Variants in KCND2 observed in about 807,000 individuals in gnomAD.
The protein encoded by KCND2 is potassium voltage-gated channel subfamily D member 2.
KCND2 carries 16 observed loss-of-function variants against 54.4 expected under a neutral mutation model. The observed-to-expected ratio is 0.29, with a 90% CI of 0.20 to 0.45. The LOEUF (loss-of-function observed/expected upper bound fraction) is 0.45, where lower values mean the gene tolerates loss of function less well. KCND2 is among the 20% of genes least tolerant of loss of function. The pLI, the probability that KCND2 is intolerant of heterozygous loss-of-function variation, is 1.00. For synonymous variants in KCND2, 317 were observed against 310.7 expected (o/e 1.02, Z -0.21); for missense variants, 486 against 824.2 (o/e 0.59, Z 5.02).
intron 1 of KCND2, among the ~76,000 whole-genome samples, chr7:120,453,900 C>T (rs952286887): frequency 6.6e-6 from 1 of 152,146 alleles, no homozygotes; most frequent in Non-Finnish European, 1.5e-5. Context: ...TCCTGGCTAA[C>T]ATGGTGAAAC....
intron 1 of KCND2, among the ~76,000 whole-genome samples, chr7:120,377,559 C>T (rs1346548635): frequency 3.7e-5 from 2 of 53,844 alleles, no homozygotes; most frequent in Non-Finnish European, 1.8e-4. Flanking sequence ...TTCCCTCACC[C>T]CAAGAAAAAA....
chr7:120,566,661 T>C (rs1457119086), intron 1 of KCND2, among the ~76,000 whole-genome samples: 4 of 152,132 alleles, frequency 2.6e-5, no homozygotes, highest in African/African-American at 9.6e-5. Context: ...TTAGCAAGAA[T>C]TCCCATTACT....
chr7:120,700,703 G>T (rs1171914136), intron 1 of KCND2, among the ~76,000 whole-genome samples: 1 of 152,108 alleles, frequency 6.6e-6, no homozygotes, highest in Non-Finnish European at 1.5e-5. Flanking sequence ...AATTCTTTCA[G>T]TTCTCTAGGT....
intron 2 of KCND2, 22 bp from the exon 3 acceptor site, chr7:120,741,512 A>G (rs1472259905): frequency 6.7e-7 from 1 of 1,495,864 alleles, no homozygotes; most frequent in Non-Finnish European, 9.3e-7. Context: ...TGTTAATGGG[A>G]TGTTTATTTT....
At chr7:120,498,377 TGCTGAGGCAGGAGAATCA>T (rs144834389) in intron 1 of KCND2, among the ~76,000 whole-genome samples, 9,251 of 151,672 alleles carry the variant, frequency 0.061, 586 homozygotes, top group African/African-American at 0.17. Flanking sequence ...CTACTCAGGA[TGCTGAGGCAGGAGAATCA>T]CTTGAACCCA....
chr7:120,400,969 A>AAAAG (rs1554435762), intron 1 of KCND2, among the ~76,000 whole-genome samples: 1 of 152,050 alleles, frequency 6.6e-6, no homozygotes, highest in African/African-American at 2.4e-5. Flanking sequence ...TAAAAAAAAA[A>AAAAG]AAGAAGAAGA....
At position 120,276,778 on chromosome 7, in the gene KCND2, G is replaced by A. The variant is rs147506344; in HGVS notation, c.1115+1031G>A. 2.0e-5 allele frequency among the ~76,000 whole-genome samples: 3 copies of A among 152,212 alleles called. No homozygotes were observed. In the East Asian group the frequency reaches 5.8e-4, roughly 29 times the overall value. On this transcript the variant is annotated intron_variant, in intron 1 of 5. Coordinates refer to ENST00000331113, the MANE Select transcript of KCND2 (RefSeq NM_012281.3). ...ATTAATAATGTTAAACTGCAGAAAA[G>A]TAGCAGCATTTTACATATTAGAGAA...
At chr7:120,651,355 C>G (rs969618144) in intron 1 of KCND2, among the ~76,000 whole-genome samples, 1 of 151,988 alleles carries the variant, frequency 6.6e-6, no homozygotes, top group Admixed American at 6.5e-5. Flanking sequence ...CCTTGCAGTT[C>G]GATCTCAGAC....
chr7:120,735,939 A>G (rs1015412957), intron 2 of KCND2, among the ~76,000 whole-genome samples: 1 of 152,110 alleles, frequency 6.6e-6, no homozygotes, highest in African/African-American at 2.4e-5. Context: ...TTAGGGGGAA[A>G]AAAAAGCAGA....
intron 1 of KCND2, among the ~76,000 whole-genome samples, chr7:120,493,933 T>C (rs1273148942): frequency 6.6e-6 from 1 of 152,156 alleles, no homozygotes; most frequent in African/African-American, 2.4e-5. Context: ...GAATTTTAAA[T>C]AAGCAGTAAA....
At chr7:120,403,015 A>G (rs1226653163) in intron 1 of KCND2, among the ~76,000 whole-genome samples, 1 of 152,148 alleles carries the variant, frequency 6.6e-6, no homozygotes, top group Admixed American at 6.6e-5. Context: ...TTACATAACA[A>G]TGTGTCTGAA....
chr7:120,274,311 A>C lies in KCND2; in HGVS notation c.-322A>C. On this transcript the variant is annotated 5_prime_UTR_variant, in exon 1 of 6. Transcript: ENST00000331113. ...AGAAATCAAAAACACCTGTTTGAAG[A>C]AACGGCTGCACCTGTGTGCTTATTT... 1 of 483,302 alleles carries C rather than the reference A, an allele frequency of 2.1e-6. No individual in the cohort carries two copies. The highest frequency in any genetic ancestry group is 3.7e-6 in the Non-Finnish European group (1 of 267,778). The allele number at this position is 483,302 out of a possible 1,614,324, so 29.9% of individuals were successfully genotyped here. A position where few individuals can be genotyped will look rare whatever the true frequency, so the allele number is the denominator to read the frequency against.
chr7:120,704,880 GA>G (rs367948618), intron 1 of KCND2, among the ~76,000 whole-genome samples: 1 of 152,110 alleles, frequency 6.6e-6, no homozygotes, highest in African/African-American at 2.4e-5. Context: ...GCAGGTATTT[GA>G]TAAATGATAG....
intron 1 of KCND2, among the ~76,000 whole-genome samples, chr7:120,626,477 T>C (rs1793164943): frequency 6.6e-6 from 1 of 152,184 alleles, no homozygotes; most frequent in Non-Finnish European, 1.5e-5. Context: ...AAATGATTCC[T>C]GAGATTAATG....
At chr7:120,546,117 A>C (rs1203692892) in intron 1 of KCND2, among the ~76,000 whole-genome samples, 1 of 151,992 alleles carries the variant, frequency 6.6e-6, no homozygotes, top group Non-Finnish European at 1.5e-5. Flanking sequence ...TATTGAAAAG[A>C]TAAATATCAA....
chr7:120,335,505 TAGAC>T (rs1261393856), intron 1 of KCND2, among the ~76,000 whole-genome samples: 2 of 148,848 alleles, frequency 1.3e-5, no homozygotes, highest in Non-Finnish European at 3.0e-5. Context: ...ATTTATTTAT[TAGAC>T]AGAGTCTCGC....
chr7:120,550,177 T>C (rs1342494275), intron 1 of KCND2, among the ~76,000 whole-genome samples: 4 of 151,962 alleles, frequency 2.6e-5, no homozygotes, highest in Non-Finnish European at 5.9e-5. Context: ...TCTAGTGCCT[T>C]TTTTTTGGTT....
chr7:120,438,241 A>G (rs971099009), intron 1 of KCND2, among the ~76,000 whole-genome samples: 1 of 152,182 alleles, frequency 6.6e-6, no homozygotes. Flanking sequence ...CACAACATAG[A>G]TAGTATTAGT....
intron 1 of KCND2, among the ~76,000 whole-genome samples, chr7:120,633,044 C>A (rs534123205): frequency 6.6e-6 from 1 of 152,174 alleles, no homozygotes; most frequent in Non-Finnish European, 1.5e-5. Context: ...CAGGCTTGAT[C>A]AACCATTGTT....
Sources: gnomAD v4.1 joint callset for allele counts (sites outside exome capture counted in the v4.1 genomes callset) on GRCh38, gnomAD v4.1.1 for gene constraint, MANE v1.5 for transcripts, NCBI Gene and HGNC (gene_info 2026-07-23, HGNC 2026-07-21) for gene names.